The following KCNQ1 variants were observed in gnomAD, a reference collection of about 807,000 sequenced individuals.
The protein encoded by KCNQ1 is potassium voltage-gated channel subfamily KQT member 1.
Under a neutral mutation model 72.4 loss-of-function variants are expected in KCNQ1, and 49 were observed. The ratio of observed to expected loss-of-function variants is 0.68; its 90% CI spans 0.54 to 0.86. The LOEUF (loss-of-function observed/expected upper bound fraction) is 0.86. Ranked by LOEUF, KCNQ1 falls within the 40% of genes least tolerant of loss-of-function variation. KCNQ1 has a pLI of 0.00. For missense variants in KCNQ1, 790 were observed against 945.1 expected, an observed-to-expected ratio of 0.84 and a Z score of 2.15; for synonymous variants, 450 against 412.6, an observed-to-expected ratio of 1.09 and a Z score of -1.10.
chr11:2,546,321 TTAAAA>T (rs1248856634), intron 2 of KCNQ1, among the ~76,000 whole-genome samples: 1 of 152,236 alleles, frequency 6.6e-6, no homozygotes, highest in African/African-American at 2.4e-5. Context: ...ATTTGGTCTC[TTAAAA>T]TATATTAAGA....
rs1404527201 is a variant in KCNQ1 at position 2,482,650 on chromosome 11, C to T, written c.386+37166C>T. On this transcript the variant is annotated intron_variant, in intron 1 of 15. Transcript: ENST00000155840. The surrounding 1 kb of genome is among the most constrained non-coding windows in gnomAD (Gnocchi z 5.7). The stretch of plus-strand genomic sequence containing the variant: ...GGACATCACTGACTCCCCCCGCCAA[C>T]CCCCACCCCACACTGCACCACAAAG... Among the ~76,000 whole-genome samples the T allele has an allele frequency of 2.0e-5, 3 of 152,032 alleles. No individual in the cohort carries two copies. The highest frequency in any genetic ancestry group is 4.4e-5 in the Non-Finnish European group (3 of 68,012).
intron 1 of KCNQ1, among the ~76,000 whole-genome samples, chr11:2,513,122 G>A (rs1414279249): frequency 2.6e-5 from 4 of 152,126 alleles, no homozygotes; most frequent in Non-Finnish European, 2.9e-5. Flanking sequence ...GGGCCACCAG[G>A]TCTTGTCTGG....
intron 10 of KCNQ1, chr11:2,630,173 G>A (rs1564838768): frequency 5.0e-6 from 2 of 398,198 alleles, no homozygotes; most frequent in Non-Finnish European, 4.4e-6. Context: ...TTATCAAAAT[G>A]ATTGTATGAT....
intron 11 of KCNQ1, among the ~76,000 whole-genome samples, chr11:2,727,247 A>C (rs189161): frequency 8.5e-5 from 13 of 152,182 alleles, no homozygotes; most frequent in African/African-American, 2.9e-4. Flanking sequence ...GGATGTGCTC[A>C]GGCCCTGGAG....
At position 2,651,795 on chromosome 11, in the gene KCNQ1, A is replaced by G. The variant is rs1849760303; in HGVS notation, c.1394-10166A>G. 2.5e-6 allele frequency: 1 copy of G among 398,532 alleles called. No individual in the cohort carries two copies. Among genetic ancestry groups the G allele is most frequent in the South Asian group, 1.3e-4 (1 of 7,868 alleles). The allele number at this position is 398,532 out of a possible 1,614,324, so 24.7% of individuals were successfully genotyped here. A position where few individuals can be genotyped will look rare whatever the true frequency, so the allele number is the denominator to read the frequency against. Reference sequence around the variant, plus strand: ...ACCATTTTGATTCCTGGGCCCCTTAAGAGTCCATTAGCATTGGAATGGAGC... The same window carrying G: ...ACCATTTTGATTCCTGGGCCCCTTAGGAGTCCATTAGCATTGGAATGGAGC... On this transcript the variant is annotated intron_variant, in intron 10 of 15. Coordinates refer to ENST00000155840, the MANE Select transcript of KCNQ1 (RefSeq NM_000218.3). The surrounding 1 kb of genome is among the most constrained non-coding windows in gnomAD (Gnocchi z 6.1).
At chr11:2,807,256 C>T (rs1380086664) in intron 15 of KCNQ1, among the ~76,000 whole-genome samples, 4 of 152,226 alleles carry the variant, frequency 2.6e-5, no homozygotes, top group African/African-American at 9.6e-5. Context: ...ACGTGGCCGG[C>T]TCTGAAAGGC....
At chr11:2,749,412 C>T (rs1846188306) in intron 11 of KCNQ1, among the ~76,000 whole-genome samples, 1 of 152,166 alleles carries the variant, frequency 6.6e-6, no homozygotes, top group Non-Finnish European at 1.5e-5. Flanking sequence ...AGGGCTCTGC[C>T]TGGTGCCAAC....
At chr11:2,846,793 G>A (rs932135416) in intron 15 of KCNQ1, among the ~76,000 whole-genome samples, 2 of 152,256 alleles carry the variant, frequency 1.3e-5, no homozygotes, top group African/African-American at 4.8e-5. Context: ...CTGTCCACTC[G>A]TTTGGGGCTT....
chr11:2,552,511 A>G (rs1424149979), intron 2 of KCNQ1, among the ~76,000 whole-genome samples: 1 of 151,998 alleles, frequency 6.6e-6, no homozygotes, highest in Non-Finnish European at 1.5e-5. Context: ...AATTTTGTTC[A>G]TTTTCAAGAG....
chr11:2,655,746 C>A, intron 10 of KCNQ1: 1 of 387,254 alleles, frequency 2.6e-6, no homozygotes, highest in Non-Finnish European at 4.5e-6. Flanking sequence ...CAGGTGAAAA[C>A]AGGGAAGAGG....
Position 2,710,731 on chromosome 11 carries a change from ACT to A in KCNQ1, c.1514+48653_1514+48654del, listed in dbSNP as rs564964676. On this transcript the variant is annotated intron_variant, in intron 11 of 15. Coordinates refer to ENST00000155840, the MANE Select transcript of KCNQ1 (RefSeq NM_000218.3). This position sits in a 1 kb window ranked among gnomAD's most constrained non-coding sequence, Gnocchi z 4.1. ...TATCCCAACACCATTTGTTGAAAAGACTCTTCTTTCCTCAGTGAAGGATGTTG... is the reference window on the plus strand; with the variant it reads ...TATCCCAACACCATTTGTTGAAAAGACTTCTTTCCTCAGTGAAGGATGTTG... 1.5e-4 allele frequency among the ~76,000 whole-genome samples: 23 copies of A among 152,250 alleles called. 1 individual carries two copies. The South Asian group carries it at 4.8e-3, about 32-fold the overall frequency.
chr11:2,500,471 T>A (rs567671706), intron 1 of KCNQ1, among the ~76,000 whole-genome samples: 1 of 152,268 alleles, frequency 6.6e-6, no homozygotes, highest in African/African-American at 2.4e-5. Flanking sequence ...GTGTGGCAAT[T>A]CCTCAAGGAT....
rs377110601 is a variant in KCNQ1, at chr11:2,598,215, G to A, written c.1393+9361G>A. Among the ~76,000 whole-genome samples the A allele has an allele frequency of 2.4e-4, 37 of 152,092 alleles. No individual in the cohort carries two copies. The highest frequency in any genetic ancestry group is 7.7e-4 in the East Asian group (4 of 5,196). ...CTGATTGCAGCTTTAGCTGTGACACGTAGATCTGATTATGAAATATGTTCC... is the reference window on the plus strand; with the variant it reads ...CTGATTGCAGCTTTAGCTGTGACACATAGATCTGATTATGAAATATGTTCC... On this transcript the variant is annotated intron_variant, in intron 10 of 15. Transcript: ENST00000155840. The surrounding 1 kb of genome is among the most constrained non-coding windows in gnomAD (Gnocchi z 6.2).
rs1178097755 is a variant in KCNQ1, at chr11:2,451,529, A to G, written c.386+6045A>G. On this transcript the variant is annotated intron_variant, in intron 1 of 15. Coordinates refer to ENST00000155840, the MANE Select transcript of KCNQ1 (RefSeq NM_000218.3). This position sits in a 1 kb window ranked among gnomAD's most constrained non-coding sequence, Gnocchi z 6.4. ...TTGGAGGGTTCTGAGCACTGGAAGGACCTGGCTGTGGTCCCAGGCACTGGG... is the reference window on the plus strand; with the variant it reads ...TTGGAGGGTTCTGAGCACTGGAAGGGCCTGGCTGTGGTCCCAGGCACTGGG... Among the ~76,000 whole-genome samples the G allele has an allele frequency of 6.6e-6, 1 of 152,158 alleles. No homozygotes were observed. Among genetic ancestry groups the G allele is most frequent in the African/African-American group, 2.4e-5 (1 of 41,432 alleles).
chr11:2,657,091 C>T lies in KCNQ1; in HGVS notation c.1394-4870C>T. The T allele has an allele frequency of 2.5e-6, 1 of 398,634 alleles. No homozygotes were observed. Among genetic ancestry groups the T allele is most frequent in the East Asian group, 3.6e-5 (1 of 28,076 alleles). 24.7% of individuals were successfully genotyped at this position (398,634 alleles called of 1,614,324 possible). A position where few individuals can be genotyped will look rare whatever the true frequency, so the allele number is the denominator to read the frequency against. On this transcript the variant is annotated intron_variant, in intron 10 of 15. Coordinates refer to ENST00000155840, the MANE Select transcript of KCNQ1 (RefSeq NM_000218.3). This position sits in a 1 kb window ranked among gnomAD's most constrained non-coding sequence, Gnocchi z 4.8. ...GTCCCATTGGCCTATTTGTCTCTCCCTGTGTCAATACCACATTGCCCTAAT... is the reference window on the plus strand; with the variant it reads ...GTCCCATTGGCCTATTTGTCTCTCCTTGTGTCAATACCACATTGCCCTAAT...
chr11:2,755,009 C>T (rs1846277967), intron 11 of KCNQ1, among the ~76,000 whole-genome samples: 1 of 152,180 alleles, frequency 6.6e-6, no homozygotes, highest in Non-Finnish European at 1.5e-5. Context: ...TCACTTCTGT[C>T]GGTCAGAGGT....
At chr11:2,448,636 G>T (rs1036994222) in intron 1 of KCNQ1, among the ~76,000 whole-genome samples, 1 of 152,308 alleles carries the variant, frequency 6.6e-6, no homozygotes, top group East Asian at 1.9e-4. Flanking sequence ...AGAGGAGGAC[G>T]GGGCTCTCTG....
chr11:2,521,699 G>C (rs1847385240), intron 1 of KCNQ1: 2 of 355,674 alleles, frequency 5.6e-6, no homozygotes, highest in East Asian at 1.6e-4. Context: ...AACATCTCAG[G>C]GTTACAAAAC....
At chr11:2,532,229 AC>A (rs1478438758) in intron 2 of KCNQ1, among the ~76,000 whole-genome samples, 3 of 151,644 alleles carry the variant, frequency 2.0e-5, no homozygotes, top group African/African-American at 7.3e-5. Context: ...TGAGGGTGGG[AC>A]CCCGTGGCTG....
Sources: gnomAD v4.1 joint callset for allele counts (sites outside exome capture counted in the v4.1 genomes callset) on GRCh38, gnomAD v4.1.1 for gene constraint, Gnocchi (gnomAD v3.1) non-coding constraint, MANE v1.5 for transcripts, NCBI Gene and HGNC (gene_info 2026-07-23, HGNC 2026-07-21) for gene names.